The following SEMA5A variants were observed in gnomAD, a reference collection of about 807,000 sequenced individuals.
SEMA5A encodes semaphorin-5A.
SEMA5A carries 55 observed loss-of-function variants against 135.5 expected under a neutral mutation model. The ratio of observed to expected loss-of-function variants is 0.41; its 90% CI spans 0.33 to 0.51. The LOEUF is 0.51. SEMA5A is among the 20% of genes least tolerant of loss of function. The pLI is 0.37. For missense variants in SEMA5A, 1,290 were observed against 1,419.9 expected (o/e 0.91, Z 1.47); for synonymous variants, 580 against 546.5 (o/e 1.06, Z -0.85).
intron 5 of SEMA5A, among the ~76,000 whole-genome samples, chr5:9,300,784 A>G (rs6874687): frequency 0.68 from 103,425 of 152,068 alleles, 38,225 homozygotes; most frequent in Non-Finnish European, 0.83. Context: ...AGACACATAG[A>G]CACACAAAGG....
chr5:9,044,464 A>T lies in SEMA5A; in HGVS notation c.3014T>A (p.Val1005Asp). The T allele has an allele frequency of 6.2e-7, 1 of 1,614,020 alleles. No individual in the cohort carries two copies. The highest frequency in any genetic ancestry group is 8.5e-7 in the Non-Finnish European group (1 of 1,180,016). ...RYQQQSHDAT[V>D]IHPVSPAPLN... ...GGGGGCAGGTGAGACGGGGTGGATG[A>T]CAGTCGCATCGTGGGATTGCTGCTG... The change falls in exon 22 of 23, where the codon GTC becomes GAC. Residue 1005 changes from valine (V) to aspartate (D), a missense_variant. Around this residue, in one of 3 missense-constraint regions of SEMA5A, gnomAD observed 1,029 missense variants for 1,086.6 expected, o/e 0.95. Transcript: ENST00000382496.
At chr5:9,458,527 C>T (rs183369084) in intron 1 of SEMA5A, among the ~76,000 whole-genome samples, 1 of 152,324 alleles carries the variant, frequency 6.6e-6, no homozygotes, top group Admixed American at 6.5e-5. Flanking sequence ...ATAGCAGGCA[C>T]TCGCCCATAC....
chr5:9,046,184 G>A (rs766085913), intron 21 of SEMA5A, among the ~76,000 whole-genome samples: 1 of 152,174 alleles, frequency 6.6e-6, no homozygotes, highest in Non-Finnish European at 1.5e-5. Flanking sequence ...TCCCCAGAGT[G>A]TCTCCTCCAC....
At chr5:9,224,228 A>T (rs984317176) in intron 8 of SEMA5A, among the ~76,000 whole-genome samples, 1 of 152,172 alleles carries the variant, frequency 6.6e-6, no homozygotes, top group East Asian at 1.9e-4. Flanking sequence ...TACATTTTTA[A>T]TTGTCATACT....
chr5:9,537,442 T>C (rs1561332188), intron 1 of SEMA5A, among the ~76,000 whole-genome samples: 1 of 152,192 alleles, frequency 6.6e-6, no homozygotes, highest in East Asian at 1.9e-4. Context: ...AACAGTATTT[T>C]ATTGACTAAC....
intron 4 of SEMA5A, among the ~76,000 whole-genome samples, chr5:9,326,839 T>C (rs1392879810): frequency 1.3e-5 from 2 of 152,148 alleles, no homozygotes; most frequent in Non-Finnish European, 2.9e-5. Context: ...GTTGTAAAAT[T>C]AGTTTGATTA....
rs1415982561 is a variant in SEMA5A, at chr5:9,295,365, C to T, written c.270+23007G>A. On this transcript the variant is annotated intron_variant, in intron 5 of 22. Coordinates refer to ENST00000382496, the MANE Select transcript of SEMA5A (RefSeq NM_003966.3). Reference sequence around the variant, plus strand: ...AGAGGCAGTGCCTAGGATTAAACTCCCCTTTGTGAGTTGGAATTCTGGTTT... The same window carrying T: ...AGAGGCAGTGCCTAGGATTAAACTCTCCTTTGTGAGTTGGAATTCTGGTTT... Among the ~76,000 whole-genome samples the T allele has an allele frequency of 6.6e-5, 10 of 152,110 alleles. No individual in the cohort carries two copies. In the East Asian group the frequency reaches 1.7e-3, roughly 26 times the overall value.
At chr5:9,104,168 C>A (rs1359746210) in intron 16 of SEMA5A, among the ~76,000 whole-genome samples, 1 of 152,178 alleles carries the variant, frequency 6.6e-6, no homozygotes, top group Non-Finnish European at 1.5e-5. Context: ...CAACTTGCTA[C>A]TGGGCAAGTT....
chr5:9,299,690 A>G (rs1364264987), intron 5 of SEMA5A, among the ~76,000 whole-genome samples: 1 of 152,192 alleles, frequency 6.6e-6, no homozygotes, highest in East Asian at 1.9e-4. Flanking sequence ...CTGTCATTTG[A>G]ACAGGTTTTG....
chr5:9,251,461 T>C (rs1052257901), intron 5 of SEMA5A, among the ~76,000 whole-genome samples: 3 of 152,156 alleles, frequency 2.0e-5, no homozygotes, highest in Non-Finnish European at 4.4e-5. Context: ...TCAATTATAA[T>C]TCACAATATC....
At position 9,461,109 on chromosome 5, in the gene SEMA5A, T is replaced by C. The variant is rs11742840; in HGVS notation, c.-174-23257A>G. ...TGGAAACGCCTCTTTCCTTGGTCGT[T>C]GGCTTTTCTCAAACATACACTTAGC... On this transcript the variant is annotated intron_variant, in intron 1 of 22. Coordinates refer to ENST00000382496, the MANE Select transcript of SEMA5A (RefSeq NM_003966.3). 4.2e-3 allele frequency among the ~76,000 whole-genome samples: 636 copies of C among 152,344 alleles called. 4 individuals are homozygous for C. The highest frequency in any genetic ancestry group is 7.0e-3 in the Non-Finnish European group (473 of 68,032).
chr5:9,074,690 A>G (rs1401701696), intron 16 of SEMA5A, among the ~76,000 whole-genome samples: 2 of 152,220 alleles, frequency 1.3e-5, no homozygotes, highest in Admixed American at 6.5e-5. Flanking sequence ...ATGTATAGGC[A>G]TTTCAACAAA....
chr5:9,318,504 A>G, intron 4 of SEMA5A, 87 bp from the exon 5 acceptor site: 1 of 1,140,486 alleles, frequency 8.8e-7, no homozygotes, highest in Non-Finnish European at 1.3e-6. Context: ...CAAAGAAAAT[A>G]ATAATTTTGA....
chr5:9,283,824 A>G (rs1473025625), intron 5 of SEMA5A, among the ~76,000 whole-genome samples: 4 of 152,258 alleles, frequency 2.6e-5, no homozygotes, highest in Admixed American at 2.0e-4. Flanking sequence ...TATTAGATAC[A>G]TAGAACATAT....
chr5:9,370,565 T>C (rs951038275), intron 3 of SEMA5A, among the ~76,000 whole-genome samples: 1 of 152,116 alleles, frequency 6.6e-6, no homozygotes, highest in East Asian at 1.9e-4. Context: ...AGAATAAAGC[T>C]AGAGATTACC....
chr5:9,055,017 T>A (rs961175182), intron 18 of SEMA5A, among the ~76,000 whole-genome samples: 5 of 152,212 alleles, frequency 3.3e-5, no homozygotes, highest in African/African-American at 1.2e-4. Flanking sequence ...AGCACATGTC[T>A]CTGCCTGCTC....
At position 9,136,452 on chromosome 5, in the gene SEMA5A, G is replaced by C. The variant is rs527997467; in HGVS notation, c.1599+52C>G. 1.7e-5 allele frequency: 25 copies of C among 1,459,974 alleles called. 1 individual carries two copies. The highest frequency in any genetic ancestry group is 2.2e-5 in the Non-Finnish European group (23 of 1,039,806). 90.4% of individuals were successfully genotyped at this position (1,459,974 alleles called of 1,614,324 possible). A position where few individuals can be genotyped will look rare whatever the true frequency, so the allele number is the denominator to read the frequency against. On this transcript the variant is annotated intron_variant, in intron 13 of 22. Transcript: ENST00000382496. Reference sequence around the variant, plus strand: ...AGTGTGACTGAGGATCGCCAGGGGAGCATGGCTCCCATGGGCAGCATTTTC... The same window carrying C: ...AGTGTGACTGAGGATCGCCAGGGGACCATGGCTCCCATGGGCAGCATTTTC...
Position 9,372,181 on chromosome 5 carries a change from C to T in SEMA5A, c.124+7642G>A, listed in dbSNP as rs376885624. 2.4e-4 allele frequency among the ~76,000 whole-genome samples: 36 copies of T among 152,330 alleles called. No individual in the cohort carries two copies. In the South Asian group the frequency reaches 7.5e-3, roughly 32 times the overall value. ...GGAATCTCACAGGGACTCGAGGAAT[C>T]CTCTACTGCAGCCTGTCCTGTGGCA... On this transcript the variant is annotated intron_variant, in intron 3 of 22. Coordinates refer to ENST00000382496, the MANE Select transcript of SEMA5A (RefSeq NM_003966.3).
At chr5:9,348,985 C>G (rs1274397972) in intron 3 of SEMA5A, among the ~76,000 whole-genome samples, 1 of 152,196 alleles carries the variant, frequency 6.6e-6, no homozygotes, top group African/African-American at 2.4e-5. Flanking sequence ...CACATTCTCA[C>G]AATTCACACG....
Sources: gnomAD v4.1 joint callset for allele counts (sites outside exome capture counted in the v4.1 genomes callset) on GRCh38, gnomAD v4.1.1 for gene constraint, gnomAD v4.1.1 regional missense constraint, MANE v1.5 for transcripts, NCBI Gene and HGNC (gene_info 2026-07-23, HGNC 2026-07-21) for gene names.